The following MITF variants were observed in gnomAD, a reference collection of about 807,000 sequenced individuals.
The protein encoded by MITF is microphthalmia-associated transcription factor.
Under a neutral mutation model 60.5 loss-of-function variants are expected in MITF, and 17 were observed. The observed-to-expected ratio is 0.28, with a 90% CI of 0.19 to 0.42. The LOEUF (loss-of-function observed/expected upper bound fraction) is 0.42. MITF is among the 10% of genes least tolerant of loss of function. MITF has a pLI of 1.00. For missense variants in MITF, 622 were observed against 683.5 expected (o/e 0.91, Z 1.00); for synonymous variants, 260 against 248.5 (o/e 1.05, Z -0.43).
intron 7 of MITF, among the ~76,000 whole-genome samples, chr3:69,955,081 A>G (rs1336822543): frequency 6.6e-6 from 1 of 152,180 alleles, no homozygotes; most frequent in African/African-American, 2.4e-5. Context: ...TTACACTGAG[A>G]TTTATAAAAT....
rs565579943 is a variant in MITF, at chr3:69,747,191, C to T, written c.104+7490C>T. Among the ~76,000 whole-genome samples the T allele has an allele frequency of 2.0e-5, 3 of 152,298 alleles. No homozygotes were observed. The South Asian group carries it at 6.2e-4, about 32-fold the overall frequency. On this transcript the variant is annotated intron_variant, in intron 1 of 9. Coordinates refer to ENST00000352241, the MANE Select transcript of MITF (RefSeq NM_001354604.2). ...CAGATGGGTTCCTGCTAGCATGGTG[C>T]ATACATCTTGGAGGTGGCGCACAGT...
At chr3:69,806,685 G>A (rs1299322267) in intron 1 of MITF, among the ~76,000 whole-genome samples, 2 of 152,070 alleles carry the variant, frequency 1.3e-5, no homozygotes, top group Admixed American at 6.6e-5. Context: ...ATAATAATTC[G>A]TGCTGAAGAT....
chr3:69,961,234 T>G (rs922188266), intron 9 of MITF, among the ~76,000 whole-genome samples: 1 of 148,160 alleles, frequency 6.7e-6, no homozygotes, highest in Non-Finnish European at 1.5e-5. Flanking sequence ...AATAGAAAAA[T>G]TAGCTGGGCA....
At chr3:69,786,049 AC>A (rs1469372074) in intron 1 of MITF, among the ~76,000 whole-genome samples, 9 of 152,214 alleles carry the variant, frequency 5.9e-5, no homozygotes, top group African/African-American at 2.2e-4. Context: ...TGTTTGGAGA[AC>A]AAAAAAAGCA....
At chr3:69,928,840 G>T (rs1310244507) in intron 2 of MITF, among the ~76,000 whole-genome samples, 5 of 152,076 alleles carry the variant, frequency 3.3e-5, no homozygotes, top group African/African-American at 7.2e-5. Flanking sequence ...CTTATCTAGG[G>T]GTCTACAGCT....
At chr3:69,847,119 C>G (rs777284710) in intron 1 of MITF, among the ~76,000 whole-genome samples, 5 of 152,120 alleles carry the variant, frequency 3.3e-5, no homozygotes, top group Admixed American at 3.3e-4. Context: ...TGGTCACCCT[C>G]TATAAGGACA....
intron 2 of MITF, among the ~76,000 whole-genome samples, chr3:69,930,192 C>T (rs1459232869): frequency 6.6e-6 from 1 of 151,992 alleles, no homozygotes; most frequent in Non-Finnish European, 1.5e-5. Flanking sequence ...TTCTCAGAGA[C>T]CTCTGTTCTG....
At chr3:69,754,825 A>G (rs1268107863) in intron 1 of MITF, among the ~76,000 whole-genome samples, 1 of 151,984 alleles carries the variant, frequency 6.6e-6, no homozygotes, top group East Asian at 1.9e-4. Flanking sequence ...CGTTCTGATT[A>G]CCTCTGTATT....
intron 1 of MITF, among the ~76,000 whole-genome samples, chr3:69,842,072 C>T (rs1171105040): frequency 2.0e-5 from 3 of 152,098 alleles, no homozygotes; most frequent in Admixed American, 6.5e-5. Flanking sequence ...ATGAAGTGAG[C>T]GGTGTCCTCT....
chr3:69,940,348 C>A (rs1385883842), intron 4 of MITF, among the ~76,000 whole-genome samples: 2 of 152,204 alleles, frequency 1.3e-5, no homozygotes, highest in Non-Finnish European at 2.9e-5. Flanking sequence ...CCTGTTAAGA[C>A]CCAAGCACAG....
chr3:69,801,520 C>A lies in MITF; in HGVS notation c.104+61819C>A, dbSNP rs113869500. On this transcript the variant is annotated intron_variant, in intron 1 of 9. Transcript: ENST00000352241. ...AGGAACTTAACAGTGGAATATAGAC[C>A]GCATTGATGCCAAGAGATATCAAGG... 4.3e-3 allele frequency among the ~76,000 whole-genome samples: 660 copies of A among 152,088 alleles called. 6 individuals carry two copies. The highest frequency in any genetic ancestry group is 0.015 in the African/African-American group (612 of 41,476).
At chr3:69,863,363 G>C (rs1320606548) in intron 1 of MITF, among the ~76,000 whole-genome samples, 1 of 152,156 alleles carries the variant, frequency 6.6e-6, no homozygotes, top group Non-Finnish European at 1.5e-5. Context: ...TATCCAAGAA[G>C]GTTCCCTTAG....
At chr3:69,866,367 G>C in intron 1 of MITF, 2 of 1,613,484 alleles carry the variant, frequency 1.2e-6, no homozygotes. Flanking sequence ...TTTTATTCTG[G>C]AAATAATCCC....
intron 1 of MITF, among the ~76,000 whole-genome samples, chr3:69,764,442 T>G (rs554527571): frequency 1.3e-5 from 2 of 152,378 alleles, no homozygotes; most frequent in Admixed American, 1.3e-4. Flanking sequence ...TTTTCTTGAC[T>G]AATTATTGTC....
intron 7 of MITF, among the ~76,000 whole-genome samples, chr3:69,952,142 T>TTCTC (rs747463065): frequency 2.0e-5 from 3 of 150,798 alleles, no homozygotes; most frequent in Admixed American, 1.3e-4. Context: ...AGTAGTGGTT[T>TTCTC]TCTCTCTCTC....
intron 8 of MITF, among the ~76,000 whole-genome samples, chr3:69,957,612 T>C (rs993900534): frequency 6.6e-6 from 1 of 152,196 alleles, no homozygotes; most frequent in Non-Finnish European, 1.5e-5. Context: ...TTTCCTATAG[T>C]CAGTCTTGCA....
chr3:69,948,041 A>C (rs2066143701), intron 5 of MITF, among the ~76,000 whole-genome samples: 1 of 152,192 alleles, frequency 6.6e-6, no homozygotes, highest in African/African-American at 2.4e-5. Context: ...TCAGATGTAG[A>C]ATACAATTCC....
chr3:69,897,809 A>T (rs989759256), intron 2 of MITF, among the ~76,000 whole-genome samples: 3 of 152,192 alleles, frequency 2.0e-5, no homozygotes, highest in Non-Finnish European at 4.4e-5. Flanking sequence ...ATAAATTAAC[A>T]TTTATTGAAT....
At chr3:69,794,414 C>T (rs1051463552) in intron 1 of MITF, among the ~76,000 whole-genome samples, 5 of 152,166 alleles carry the variant, frequency 3.3e-5, no homozygotes, top group South Asian at 2.1e-4. Flanking sequence ...TGTTGTTTGA[C>T]GTGGTTCCTT....
Sources: gnomAD v4.1 joint callset for allele counts (sites outside exome capture counted in the v4.1 genomes callset) on GRCh38, gnomAD v4.1.1 for gene constraint, MANE v1.5 for transcripts, NCBI Gene and HGNC (gene_info 2026-07-23, HGNC 2026-07-21) for gene names.